EPHB1: variants seen among roughly 807,000 people sequenced by gnomAD.
EPHB1 encodes the protein EPH receptor B1.
A neutral mutation model predicts 94.4 loss-of-function variants in EPHB1; 30 were observed. The ratio of observed to expected loss-of-function variants is 0.32; its 90% CI spans 0.24 to 0.43. The LOEUF is 0.43. Ranked by LOEUF, EPHB1 falls within the 20% of genes least tolerant of loss-of-function variation. The pLI, the probability that EPHB1 is intolerant of heterozygous loss-of-function variation, is 1.00. For synonymous variants in EPHB1, 522 were observed against 489.1 expected (o/e 1.07, Z -0.89); for missense variants, 1,055 against 1,308.3 (o/e 0.81, Z 2.99).
intron 3 of EPHB1, among the ~76,000 whole-genome samples, chr3:135,104,562 C>T (rs1939142265): frequency 6.6e-6 from 1 of 152,210 alleles, no homozygotes; most frequent in African/African-American, 2.4e-5. Context: ...CCAGTGTCTT[C>T]CCCGATCCCA....
chr3:135,180,917 G>A (rs947750710), intron 10 of EPHB1, among the ~76,000 whole-genome samples: 2 of 152,048 alleles, frequency 1.3e-5, no homozygotes, highest in Admixed American at 1.3e-4. Context: ...CTAATATGCT[G>A]TCATCTTTTT....
chr3:134,959,171 G>GTCA (rs1933403198), intron 3 of EPHB1, among the ~76,000 whole-genome samples: 1 of 152,178 alleles, frequency 6.6e-6, no homozygotes, highest in Admixed American at 6.5e-5. Context: ...CACCACGTCA[G>GTCA]GAGTCCAATA....
intron 12 of EPHB1, among the ~76,000 whole-genome samples, chr3:135,215,154 TTTTTTTC>T (rs748929814): frequency 6.6e-5 from 10 of 151,964 alleles, no homozygotes; most frequent in African/African-American, 9.7e-5. Context: ...TACAGTTTTC[TTTTTTTC>T]TTTTTTCTTT....
chr3:134,930,520 T>G (rs2038886262), intron 2 of EPHB1, among the ~76,000 whole-genome samples: 1 of 152,178 alleles, frequency 6.6e-6, no homozygotes, highest in African/African-American at 2.4e-5. Flanking sequence ...GACCCTTTCT[T>G]TGGGCTGGCT....
intron 7 of EPHB1, among the ~76,000 whole-genome samples, chr3:135,162,904 CTT>C (rs1329561443): frequency 6.6e-6 from 1 of 152,192 alleles, no homozygotes; most frequent in Non-Finnish European, 1.5e-5. Flanking sequence ...CTTTCTCTCT[CTT>C]AGCTAGCCAT....
intron 3 of EPHB1, among the ~76,000 whole-genome samples, chr3:135,008,310 T>G (rs1430722073): frequency 6.6e-6 from 1 of 152,248 alleles, no homozygotes; most frequent in Admixed American, 6.5e-5. Flanking sequence ...CAAGCATTCC[T>G]ATAAGGCAAA....
chr3:135,093,095 C>G (rs1351270881), intron 3 of EPHB1, among the ~76,000 whole-genome samples: 1 of 152,226 alleles, frequency 6.6e-6, no homozygotes, highest in Non-Finnish European at 1.5e-5. Flanking sequence ...TAGCTGATAT[C>G]TATCTCAGAG....
chr3:134,844,353 AG>A (rs1379257777), intron 1 of EPHB1, among the ~76,000 whole-genome samples: 1 of 152,188 alleles, frequency 6.6e-6, no homozygotes, highest in Non-Finnish European at 1.5e-5. Context: ...TTGGCTTTCC[AG>A]TGGGATCTTC....
At chr3:134,945,275 ATGTT>A (rs2039196386) in intron 2 of EPHB1, among the ~76,000 whole-genome samples, 1 of 152,110 alleles carries the variant, frequency 6.6e-6, no homozygotes, top group African/African-American at 2.4e-5. Flanking sequence ...ATTTATCAAT[ATGTT>A]TATTTATGGC....
At chr3:135,198,288 G>A (rs1337293841) in intron 11 of EPHB1, among the ~76,000 whole-genome samples, 5 of 152,194 alleles carry the variant, frequency 3.3e-5, no homozygotes, top group Non-Finnish European at 1.5e-5. Context: ...CGTGATTTAA[G>A]GCTGATCACA....
At chr3:135,218,533 G>A (rs924549783) in intron 12 of EPHB1, among the ~76,000 whole-genome samples, 11 of 152,342 alleles carry the variant, frequency 7.2e-5, no homozygotes, top group Non-Finnish European at 1.0e-4. Context: ...AGGTTTCTCA[G>A]AAAACACATC....
At chr3:135,082,762 CTTGAA>C (rs1019936110) in intron 3 of EPHB1, among the ~76,000 whole-genome samples, 1 of 152,202 alleles carries the variant, frequency 6.6e-6, no homozygotes, top group Non-Finnish European at 1.5e-5. Context: ...AAAAAGAGCT[CTTGAA>C]AGTCTCACTT....
In EPHB1 at chr3:135,133,019, G is replaced by A. The variant is rs372455013; in HGVS notation, c.1267G>A (p.Val423Ile). ...SSKSPFPPQHVSVNITTNQAA... is the reference protein window; with the variant it reads ...SSKSPFPPQHISVNITTNQAA... The stretch of plus-strand genomic sequence containing the variant: ...CAAGAGTCCCTTCCCCCCACAGCAC[G>A]TCTCTGTCAACATCACCACAAACCA... The change falls in exon 5 of 16, where the codon GTC becomes ATC. Residue 423 changes from valine (V) to isoleucine (I), a missense_variant. Physicochemically the swap from Val to Ile is conservative, Grantham distance 29. Coordinates refer to ENST00000398015, the MANE Select transcript of EPHB1 (RefSeq NM_004441.5). The A allele has an allele frequency of 8.6e-5, 137 of 1,600,160 alleles. 2 individuals carry two copies. The South Asian group carries it at 1.0e-3, about 12-fold the overall frequency.
chr3:135,218,877 A>T (rs1442628735), intron 12 of EPHB1, among the ~76,000 whole-genome samples: 4 of 152,230 alleles, frequency 2.6e-5, no homozygotes, highest in Admixed American at 2.6e-4. Context: ...CTGAAGAAGG[A>T]ACACCTGTGT....
chr3:135,169,651 A>C (rs1419725425), intron 9 of EPHB1, among the ~76,000 whole-genome samples: 1 of 152,160 alleles, frequency 6.6e-6, no homozygotes, highest in Admixed American at 6.5e-5. Flanking sequence ...TGATGGAGGG[A>C]GGGCCTGGCC....
chr3:135,151,606 A>C (rs934359535), intron 5 of EPHB1, among the ~76,000 whole-genome samples: 7 of 152,152 alleles, frequency 4.6e-5, no homozygotes, highest in South Asian at 2.1e-4. Flanking sequence ...GAGGGCTAGA[A>C]ATTTTATTTT....
chr3:135,124,727 C>T (rs1940128169), intron 4 of EPHB1, among the ~76,000 whole-genome samples: 1 of 151,670 alleles, frequency 6.6e-6, no homozygotes, highest in Non-Finnish European at 1.5e-5. Context: ...TCATTTAAAG[C>T]TGATTTCAAA....
At chr3:135,079,592 C>T (rs1399754293) in intron 3 of EPHB1, among the ~76,000 whole-genome samples, 1 of 152,204 alleles carries the variant, frequency 6.6e-6, no homozygotes, top group African/African-American at 2.4e-5. Context: ...GCCCAACCAT[C>T]ATCACATAGT....
chr3:134,924,501 G>T (rs1018219749), intron 1 of EPHB1, among the ~76,000 whole-genome samples: 1 of 152,144 alleles, frequency 6.6e-6, no homozygotes, highest in East Asian at 1.9e-4. Flanking sequence ...AACACCATTT[G>T]CCAGCAAGGA....
Sources: gnomAD v4.1 joint callset for allele counts (sites outside exome capture counted in the v4.1 genomes callset) on GRCh38, gnomAD v4.1.1 for gene constraint, MANE v1.5 for transcripts, NCBI Gene and HGNC (gene_info 2026-07-23, HGNC 2026-07-21) for gene names.